TLE4: variants seen among roughly 807,000 people sequenced by gnomAD.
TLE4 encodes TLE family member 4, transcriptional corepressor.
In TLE4, 8 loss-of-function variants were observed where a neutral mutation model predicts 92.8. The ratio of observed to expected loss-of-function variants is 0.09; its 90% CI spans 0.05 to 0.16. The LOEUF is 0.16. Among genes scored for constraint, TLE4 ranks in the 10% least tolerant of loss-of-function variants. TLE4 has a pLI of 1.00. For missense variants in TLE4, 675 were observed against 997.6 expected, an observed-to-expected ratio of 0.68 and a Z score of 4.36; for synonymous variants, 371 against 374.1, an observed-to-expected ratio of 0.99 and a Z score of 0.10.
intron 4 of TLE4, among the ~76,000 whole-genome samples, chr9:79,592,115 T>C (rs2042676533): frequency 6.6e-6 from 1 of 151,602 alleles, no homozygotes; most frequent in East Asian, 1.9e-4. Flanking sequence ...TTCTTCTTTC[T>C]TCTTTCTTCT....
chr9:79,605,203 C>T (rs899025307), intron 4 of TLE4, among the ~76,000 whole-genome samples: 2 of 152,108 alleles, frequency 1.3e-5, no homozygotes, highest in Admixed American at 6.6e-5. Context: ...AAAGTAAGCT[C>T]TCTAGAGAAA....
At chr9:79,666,204 GTTTTTT>G (rs1204582531) in intron 8 of TLE4, among the ~76,000 whole-genome samples, 1 of 99,464 alleles carries the variant, frequency 1.0e-5, no homozygotes. Context: ...TGTGGGTGGG[GTTTTTT>G]TTTTTTGTTT....
At chr9:79,612,746 C>T (rs779967163) in intron 5 of TLE4, 28 bp downstream of exon 5, 8 of 1,604,662 alleles carry the variant, frequency 5.0e-6, no homozygotes, top group Non-Finnish European at 6.0e-6. Context: ...AGGCACTGGA[C>T]TAGAAGTTGC....
chr9:79,585,646 A>G (rs1468891397), intron 4 of TLE4, among the ~76,000 whole-genome samples: 4 of 141,040 alleles, frequency 2.8e-5, no homozygotes, highest in African/African-American at 1.2e-4. Context: ...GCTGTGATCC[A>G]GTGAACAGAA....
chr9:79,574,537 A>T (rs545822904), intron 2 of TLE4, among the ~76,000 whole-genome samples: 1 of 152,170 alleles, frequency 6.6e-6, no homozygotes, highest in Non-Finnish European at 1.5e-5. Flanking sequence ...TTGTATGTGC[A>T]GTCATTATTG....
intron 6 of TLE4, among the ~76,000 whole-genome samples, chr9:79,632,221 T>A (rs1017953133): frequency 3.3e-5 from 5 of 152,196 alleles, no homozygotes; most frequent in Middle Eastern, 3.4e-3. Flanking sequence ...TAACCCTGAA[T>A]CCCACAGGGA....
At chr9:79,632,900 A>T (rs906184156) in intron 6 of TLE4, among the ~76,000 whole-genome samples, 4 of 152,158 alleles carry the variant, frequency 2.6e-5, no homozygotes, top group African/African-American at 7.2e-5. Context: ...AGCTTGCACA[A>T]TGGGGGAAGG....
chr9:79,634,146 A>G (rs554961685), intron 6 of TLE4, among the ~76,000 whole-genome samples: 48 of 152,294 alleles, frequency 3.2e-4, no homozygotes, highest in Admixed American at 1.8e-3. Context: ...TATCCTATTA[A>G]AGGGGCATAT....
chr9:79,580,968 TAAGA>T (rs1352109568), intron 4 of TLE4, among the ~76,000 whole-genome samples: 15 of 152,288 alleles, frequency 9.8e-5, no homozygotes, highest in South Asian at 4.1e-4. Flanking sequence ...GATACAATTA[TAAGA>T]CTATGTGTGT....
chr9:79,674,799 T>C (rs1294039487), intron 8 of TLE4, among the ~76,000 whole-genome samples: 1 of 152,130 alleles, frequency 6.6e-6, no homozygotes, highest in African/African-American at 2.4e-5. Flanking sequence ...GTCCCGTGCG[T>C]GTTTTTGTGT....
chr9:79,633,066 C>G (rs1356092042), intron 6 of TLE4, among the ~76,000 whole-genome samples: 1 of 152,124 alleles, frequency 6.6e-6, no homozygotes, highest in Non-Finnish European at 1.5e-5. Flanking sequence ...TTAACTGGTT[C>G]ATTTGCCATG....
At chr9:79,654,927 A>G (rs1188447786) in intron 8 of TLE4, among the ~76,000 whole-genome samples, 3 of 152,170 alleles carry the variant, frequency 2.0e-5, no homozygotes, top group Non-Finnish European at 2.9e-5. Context: ...GCGGATCGTG[A>G]GGTCAAGAGA....
intron 5 of TLE4, among the ~76,000 whole-genome samples, chr9:79,625,412 A>G (rs537375009): frequency 1.3e-5 from 2 of 152,326 alleles, no homozygotes; most frequent in South Asian, 4.1e-4. Context: ...GCAGCCCTTC[A>G]TGATAGGAGT....
chr9:79,638,551 T>G (rs971343639), intron 6 of TLE4, among the ~76,000 whole-genome samples: 3 of 152,172 alleles, frequency 2.0e-5, no homozygotes, highest in Non-Finnish European at 4.4e-5. Context: ...CATGCTTTTT[T>G]TTTTTTCTTG....
chr9:79,578,288 A>G (rs561928001), intron 4 of TLE4, among the ~76,000 whole-genome samples: 5 of 152,168 alleles, frequency 3.3e-5, no homozygotes, highest in Admixed American at 1.3e-4. Flanking sequence ...TTCACTTATT[A>G]GATTTGTGTC....
chr9:79,646,986 G>A (rs575481554), intron 6 of TLE4, among the ~76,000 whole-genome samples: 1 of 152,206 alleles, frequency 6.6e-6, no homozygotes, highest in East Asian at 1.9e-4. Flanking sequence ...ATGCCTGTAG[G>A]TTGGTTGTTA....
chr9:79,682,719 C>T (rs917949068), intron 8 of TLE4, among the ~76,000 whole-genome samples: 5 of 152,152 alleles, frequency 3.3e-5, no homozygotes, highest in Non-Finnish European at 4.4e-5. Flanking sequence ...GACCTTTCCC[C>T]GGCATTTAAA....
chr9:79,592,014 C>T (rs1325707009), intron 4 of TLE4, among the ~76,000 whole-genome samples: 1 of 152,160 alleles, frequency 6.6e-6, no homozygotes, highest in Non-Finnish European at 1.5e-5. Context: ...CTGTATACCA[C>T]AGTGGACTTT....
At chr9:79,704,658 CTCT>C in intron 8 of TLE4, 122 bp from the exon 9 acceptor site, 12 of 1,321,050 alleles carry the variant, frequency 9.1e-6, no homozygotes, top group Non-Finnish European at 1.2e-5. Flanking sequence ...CTCCTATCTC[CTCT>C]TAACAGCTTT....
Sources: gnomAD v4.1 joint callset for allele counts (sites outside exome capture counted in the v4.1 genomes callset) on GRCh38, gnomAD v4.1.1 for gene constraint, MANE v1.5 for transcripts, NCBI Gene and HGNC (gene_info 2026-07-23, HGNC 2026-07-21) for gene names.